Variants in NXPH2 observed in about 807,000 individuals in gnomAD.
NXPH2 encodes neurexophilin 2.
Under a neutral mutation model 19.8 loss-of-function variants are expected in NXPH2, and 5 were observed. The observed-to-expected ratio is 0.25, with a 90% CI of 0.13 to 0.53. The LOEUF is 0.53. Among genes scored for constraint, NXPH2 ranks in the 20% least tolerant of loss-of-function variants. The pLI, the probability that NXPH2 is intolerant of heterozygous loss-of-function variation, is 0.96. For missense variants in NXPH2, 289 were observed against 322.8 expected (o/e 0.90, Z 0.80); for synonymous variants, 154 against 127.4 (o/e 1.21, Z -1.41).
chr2:138,727,483 T>G (rs934859766), intron 1 of NXPH2, among the ~76,000 whole-genome samples: 11 of 152,104 alleles, frequency 7.2e-5, no homozygotes, highest in African/African-American at 2.7e-4. Flanking sequence ...TTTTTGCAAT[T>G]TCCTAATGAC....
chr2:138,680,377 AC>A (rs1680554864), intron 1 of NXPH2, among the ~76,000 whole-genome samples: 1 of 152,074 alleles, frequency 6.6e-6, no homozygotes, highest in African/African-American at 2.4e-5. Flanking sequence ...AAGTGAGGAG[AC>A]CCTCAACCAG....
chr2:138,750,640 C>T (rs1295383408), intron 1 of NXPH2, among the ~76,000 whole-genome samples: 1 of 152,110 alleles, frequency 6.6e-6, no homozygotes, highest in Admixed American at 6.6e-5. Flanking sequence ...GTGAATAAGA[C>T]CCAGTCCCTA....
intron 1 of NXPH2, among the ~76,000 whole-genome samples, chr2:138,757,179 C>T (rs894868580): frequency 6.6e-6 from 1 of 152,120 alleles, no homozygotes; most frequent in Non-Finnish European, 1.5e-5. Context: ...ATATGCTTCC[C>T]ATTTCCTCAT....
At chr2:138,696,046 C>T (rs111734930) in intron 1 of NXPH2, among the ~76,000 whole-genome samples, 2 of 151,598 alleles carry the variant, frequency 1.3e-5, no homozygotes, top group African/African-American at 4.9e-5. Flanking sequence ...TAAACTGAAA[C>T]ATATTTTCTG....
intron 1 of NXPH2, among the ~76,000 whole-genome samples, chr2:138,779,043 A>G (rs147795065): frequency 6.6e-6 from 1 of 152,326 alleles, no homozygotes; most frequent in Non-Finnish European, 1.5e-5. Context: ...ACAATATCAT[A>G]CATATCATAA....
At chr2:138,709,424 G>C (rs1424268857) in intron 1 of NXPH2, among the ~76,000 whole-genome samples, 1 of 152,056 alleles carries the variant, frequency 6.6e-6, no homozygotes, top group Non-Finnish European at 1.5e-5. Context: ...CAAGTACAGA[G>C]ATTTCCCATA....
At chr2:138,704,473 A>C (rs1680979175) in intron 1 of NXPH2, among the ~76,000 whole-genome samples, 1 of 152,246 alleles carries the variant, frequency 6.6e-6, no homozygotes, top group African/African-American at 2.4e-5. Context: ...ATGTTATAAA[A>C]GCATCAGATT....
At chr2:138,765,420 T>C (rs1035945770) in intron 1 of NXPH2, among the ~76,000 whole-genome samples, 5 of 152,232 alleles carry the variant, frequency 3.3e-5, no homozygotes, top group African/African-American at 1.2e-4. Context: ...CTGTTTACGT[T>C]TCTATTACCA....
Position 138,707,714 on chromosome 2 carries a change from C to T in NXPH2, c.52-36049G>A, listed in dbSNP as rs138823223. Among the ~76,000 whole-genome samples the T allele has an allele frequency of 9.2e-5, 14 of 152,256 alleles. No homozygotes were observed. The East Asian group carries it at 2.7e-3, about 29-fold the overall frequency. ...TTCAACTAAAACTTTTCCATACTTG[C>T]TAACCATATATCCTTTATCCTCTGG... is the stretch of plus-strand genomic sequence containing the variant. On this transcript the variant is annotated intron_variant, in intron 1 of 1. Transcript: ENST00000272641.
At chr2:138,694,854 G>A (rs1434495251) in intron 1 of NXPH2, among the ~76,000 whole-genome samples, 2 of 152,168 alleles carry the variant, frequency 1.3e-5, no homozygotes, top group Non-Finnish European at 2.9e-5. Context: ...ATTGCTCCCA[G>A]ATTATTTTGC....
At chr2:138,739,464 A>C (rs1359563412) in intron 1 of NXPH2, among the ~76,000 whole-genome samples, 1 of 152,244 alleles carries the variant, frequency 6.6e-6, no homozygotes, top group African/African-American at 2.4e-5. Context: ...TTTTGGAAAT[A>C]GAATATGGAA....
intron 1 of NXPH2, among the ~76,000 whole-genome samples, chr2:138,683,298 CAT>C (rs946820105): frequency 5.3e-5 from 8 of 152,094 alleles, no homozygotes; most frequent in African/African-American, 9.7e-5. Context: ...GATGGGAACA[CAT>C]ATATACTTCT....
chr2:138,761,019 T>A (rs1573981511), intron 1 of NXPH2, among the ~76,000 whole-genome samples: 1 of 152,250 alleles, frequency 6.6e-6, no homozygotes, highest in South Asian at 2.1e-4. Context: ...CGTATACTCC[T>A]CCAACTGATG....
intron 1 of NXPH2, among the ~76,000 whole-genome samples, chr2:138,684,587 C>T (rs921157261): frequency 6.6e-6 from 1 of 152,120 alleles, no homozygotes; most frequent in Non-Finnish European, 1.5e-5. Context: ...AAAGATCTTG[C>T]AATCACTACA....
In NXPH2 at chr2:138,697,545, T is replaced by A. The variant is rs138785800; in HGVS notation, c.52-25880A>T. ...AAATACTATAAGTGGGGAAAAGTGATATACGTTTGTAAAAAATAGTTTATA... is the reference window on the plus strand; with the variant it reads ...AAATACTATAAGTGGGGAAAAGTGAAATACGTTTGTAAAAAATAGTTTATA... On this transcript the variant is annotated intron_variant, in intron 1 of 1. Coordinates refer to ENST00000272641, the MANE Select transcript of NXPH2 (RefSeq NM_007226.3). 4.0e-4 allele frequency among the ~76,000 whole-genome samples: 61 copies of A among 152,094 alleles called. No individual in the cohort carries two copies. In the East Asian group the frequency reaches 9.9e-3, roughly 25 times the overall value.
rs111955357 is a variant in NXPH2 at position 138,737,586 on chromosome 2, G to A, written c.51+42605C>T. Reference sequence around the variant, plus strand: ...TGCTTTTCACTTCCTCATGTCTCCAGTACCCACACATTTTCACATTTATTT... The same window carrying A: ...TGCTTTTCACTTCCTCATGTCTCCAATACCCACACATTTTCACATTTATTT... On this transcript the variant is annotated intron_variant, in intron 1 of 1. Coordinates refer to ENST00000272641, the MANE Select transcript of NXPH2 (RefSeq NM_007226.3). Among the ~76,000 whole-genome samples the A allele has an allele frequency of 3.3e-4, 51 of 152,252 alleles. 1 individual carries two copies. The highest frequency in any genetic ancestry group is 1.2e-3 in the African/African-American group (48 of 41,558).
At chr2:138,679,706 T>C (rs1275394750) in intron 1 of NXPH2, among the ~76,000 whole-genome samples, 1 of 152,166 alleles carries the variant, frequency 6.6e-6, no homozygotes, top group Non-Finnish European at 1.5e-5. Flanking sequence ...GGCCGAGGCC[T>C]GAATATATGC....
At position 138,671,453 on chromosome 2, in the gene NXPH2, C is replaced by T. The variant is rs779942366; in HGVS notation, c.264G>A (p.Thr88=). 2.0e-5 allele frequency: 33 copies of T among 1,613,764 alleles called. No individual in the cohort carries two copies. Among genetic ancestry groups the T allele is most frequent in the African/African-American group, 4.0e-5 (3 of 74,930 alleles). ...TTCTTGCCAATGGCTCCTGAATCTC[C>T]GTGATGTTGGCCAGCCAATCCCAAA... ...ENFWDWLANI[T]EIQEPLARTK... is the part of the protein sequence containing the mutation. The change falls in exon 2 of 2, where the codon ACG becomes ACA. Residue 88 remains threonine (T), a synonymous_variant. Coordinates refer to ENST00000272641, the MANE Select transcript of NXPH2 (RefSeq NM_007226.3).
At chr2:138,695,172 C>T (rs954535181) in intron 1 of NXPH2, among the ~76,000 whole-genome samples, 2 of 152,002 alleles carry the variant, frequency 1.3e-5, no homozygotes, top group African/African-American at 4.8e-5. Context: ...AAATAAGTTG[C>T]ATAAATAGGA....
Sources: allele counts gnomAD v4.1 joint callset (sites outside exome capture counted in the v4.1 genomes callset), GRCh38; gene constraint gnomAD v4.1.1; transcripts MANE v1.5; gene names NCBI Gene and HGNC (gene_info 2026-07-23, HGNC 2026-07-21).